The following TPD52 variants were observed in gnomAD, a reference collection of about 807,000 sequenced individuals.
TPD52 encodes the protein tumor protein D52, also known as prostate and colon associated protein.
A neutral mutation model predicts 31.3 loss-of-function variants in TPD52; 17 were observed. That is an observed-to-expected ratio of 0.54 (90% CI 0.37 to 0.82). The LOEUF is 0.82. Ranked by LOEUF, TPD52 falls within the 40% of genes least tolerant of loss-of-function variation. The pLI is 0.00. For synonymous variants in TPD52, 83 were observed against 89.6 expected (o/e 0.93, Z 0.42); for missense variants, 212 against 240.1 (o/e 0.88, Z 0.77).
intron 1 of TPD52, chr8:80,064,984 G>C: frequency 2.7e-6 from 1 of 373,666 alleles, no homozygotes; most frequent in East Asian, 7.3e-5. Flanking sequence ...CAGGGCAGGA[G>C]TTTGCATATC....
At chr8:80,038,362 T>C (rs1189819714) in intron 7 of TPD52, 127 bp from the exon 8 acceptor site, 6 of 938,172 alleles carry the variant, frequency 6.4e-6, no homozygotes, top group East Asian at 2.6e-5. Flanking sequence ...GTGATTATTA[T>C]ATATGTATGG....
chr8:80,121,851 G>T (rs1370027373), intron 1 of TPD52, among the ~76,000 whole-genome samples: 4 of 152,012 alleles, frequency 2.6e-5, no homozygotes, highest in Non-Finnish European at 5.9e-5. Flanking sequence ...CATTTACAAG[G>T]TTTTTTCATT....
chr8:80,156,598 G>A (rs565971224), intron 1 of TPD52, among the ~76,000 whole-genome samples: 1 of 152,330 alleles, frequency 6.6e-6, no homozygotes, highest in Admixed American at 6.5e-5. Context: ...CAAGGTTTAG[G>A]AGACCTGAGG....
chr8:80,159,317 A>G (rs1811200302), intron 1 of TPD52, among the ~76,000 whole-genome samples: 1 of 152,176 alleles, frequency 6.6e-6, no homozygotes, highest in South Asian at 2.1e-4. Context: ...CTAATTTACA[A>G]TCAATTCTGA....
At chr8:80,070,084 T>C (rs1187054404) in intron 1 of TPD52, among the ~76,000 whole-genome samples, 1 of 152,206 alleles carries the variant, frequency 6.6e-6, no homozygotes, top group African/African-American at 2.4e-5. Flanking sequence ...ATTTGCCACA[T>C]ACTTTCACAA....
At chr8:80,164,444 G>A (rs1210809903) in intron 1 of TPD52, among the ~76,000 whole-genome samples, 1 of 152,136 alleles carries the variant, frequency 6.6e-6, no homozygotes, top group Admixed American at 6.5e-5. Context: ...GAGGTGTTAA[G>A]ATTTATACCT....
intron 1 of TPD52, among the ~76,000 whole-genome samples, chr8:80,083,908 T>C (rs1187807671): frequency 1.3e-5 from 2 of 152,174 alleles, no homozygotes; most frequent in African/African-American, 4.8e-5. Flanking sequence ...CCTCACAATG[T>C]TCTTACCTCT....
At chr8:80,086,881 A>C (rs1238558975) in intron 1 of TPD52, among the ~76,000 whole-genome samples, 5 of 33,240 alleles carry the variant, frequency 1.5e-4, no homozygotes, top group African/African-American at 1.4e-3. Flanking sequence ...TCTCAACAAA[A>C]AAAAAAAAAA....
At chr8:80,136,933 C>T (rs985416296) in intron 1 of TPD52, among the ~76,000 whole-genome samples, 1 of 152,160 alleles carries the variant, frequency 6.6e-6, no homozygotes, top group Non-Finnish European at 1.5e-5. Context: ...CCTAGTTCCA[C>T]AGGTAATGAC....
intron 7 of TPD52, among the ~76,000 whole-genome samples, chr8:80,040,710 A>G (rs1250407234): frequency 6.6e-6 from 1 of 152,218 alleles, no homozygotes; most frequent in Non-Finnish European, 1.5e-5. Flanking sequence ...GATTTCAAGG[A>G]AAGGCTATAA....
intron 1 of TPD52, among the ~76,000 whole-genome samples, chr8:80,164,809 G>A (rs1425714700): frequency 6.7e-6 from 1 of 148,946 alleles, no homozygotes; most frequent in Admixed American, 6.8e-5. Context: ...CTCGAGCCTG[G>A]GAGGCAGAGG....
Position 80,037,230 on chromosome 8 carries a change from T to A in TPD52, c.*886A>T, listed in dbSNP as rs889530426. ...GAAGACAACAATGGTTCCCCTAATG[T>A]GATTGATATTGTCATTTTTACCAGC... On this transcript the variant is annotated 3_prime_UTR_variant, in exon 8 of 8. Coordinates refer to ENST00000518937, the MANE Select transcript of TPD52 (RefSeq NM_001025253.3). The A allele has an allele frequency of 1.3e-5, 2 of 152,612 alleles. No individual in the cohort carries two copies. Among genetic ancestry groups the A allele is most frequent in the Non-Finnish European group, 2.9e-5 (2 of 68,018 alleles). The allele number at this position is 152,612 out of a possible 1,614,324, so 9.5% of individuals were successfully genotyped here.
intron 1 of TPD52, among the ~76,000 whole-genome samples, chr8:80,119,437 T>C (rs1161235161): frequency 6.6e-6 from 1 of 152,238 alleles, no homozygotes; most frequent in African/African-American, 2.4e-5. Flanking sequence ...GATGTTATTT[T>C]TTTAAAAAGC....
intron 1 of TPD52, among the ~76,000 whole-genome samples, chr8:80,166,773 G>A (rs1325298855): frequency 6.6e-6 from 1 of 151,832 alleles, no homozygotes; most frequent in Non-Finnish European, 1.5e-5. Flanking sequence ...GGGTGTCGTG[G>A]CATGCGCCTG....
chr8:80,038,271 GA>G (rs771920361), intron 7 of TPD52, 36 bp from the exon 8 acceptor site: 1 of 1,608,804 alleles, frequency 6.2e-7, no homozygotes, highest in Non-Finnish European at 8.5e-7. Context: ...AAGACATTAT[GA>G]AACATAAAAC....
At chr8:80,092,476 C>A (rs533983228) in intron 1 of TPD52, among the ~76,000 whole-genome samples, 1 of 152,084 alleles carries the variant, frequency 6.6e-6, no homozygotes, top group Non-Finnish European at 1.5e-5. Flanking sequence ...TTTGCACGTG[C>A]GCGTTTATTG....
intron 1 of TPD52, among the ~76,000 whole-genome samples, chr8:80,114,728 C>T (rs1160223928): frequency 1.3e-5 from 2 of 152,206 alleles, no homozygotes; most frequent in African/African-American, 2.4e-5. Flanking sequence ...GTTGATGTAG[C>T]CCTTTCTGGC....
chr8:80,123,804 A>G (rs1005521977), intron 1 of TPD52, among the ~76,000 whole-genome samples: 3 of 152,212 alleles, frequency 2.0e-5, no homozygotes, highest in African/African-American at 7.2e-5. Context: ...TCTTGGTTCT[A>G]CATTCTTGGT....
At chr8:80,057,100 A>T (rs1266986544) in intron 2 of TPD52, among the ~76,000 whole-genome samples, 1 of 152,164 alleles carries the variant, frequency 6.6e-6, no homozygotes, top group Non-Finnish European at 1.5e-5. Context: ...CCTAGGAGGC[A>T]GAGGTTGCAG....
Sources: allele counts gnomAD v4.1 joint callset (sites outside exome capture counted in the v4.1 genomes callset), GRCh38; gene constraint gnomAD v4.1.1; transcripts MANE v1.5; gene names NCBI Gene and HGNC (gene_info 2026-07-23, HGNC 2026-07-21).